Variants in KPNA7 observed in about 807,000 individuals in gnomAD.
KPNA7 encodes importin subunit alpha-8.
A neutral mutation model predicts 53.7 loss-of-function variants in KPNA7; 54 were observed. The ratio of observed to expected loss-of-function variants is 1.01; its 90% confidence interval spans 0.81 to 1.26. KPNA7 has a LOEUF of 1.26. Among genes scored for constraint, KPNA7 ranks in the 50% most tolerant of loss-of-function variants. KPNA7 has a pLI of 0.00. For synonymous variants in KPNA7, 276 were observed against 259.3 expected, an observed-to-expected ratio of 1.06 and a Z score of -0.62; for missense variants, 640 against 644.5, an observed-to-expected ratio of 0.99 and a Z score of 0.07.
Position 99,190,668 on chromosome 7 carries a change from T to G in KPNA7, c.637-2105A>C, listed in dbSNP as rs73147657. On this transcript the variant is annotated intron_variant, in intron 6 of 10. Coordinates refer to ENST00000327442, the MANE Select transcript of KPNA7 (RefSeq NM_001145715.3). Reference sequence around the variant, plus strand: ...GCCAGTAAAACTTTTTTTTTTTTTTTGGGGGGAGACAGGGTCTCACTCCAT... The same window carrying G: ...GCCAGTAAAACTTTTTTTTTTTTTTGGGGGGGAGACAGGGTCTCACTCCAT... 4.2e-3 allele frequency among the ~76,000 whole-genome samples: 624 copies of G among 150,248 alleles called. 4 individuals carry two copies. The highest frequency in any genetic ancestry group is 0.034 in the East Asian group (171 of 5,094).
At chr7:99,199,163 T>G (rs939764865) in intron 3 of KPNA7, among the ~76,000 whole-genome samples, 10 of 150,574 alleles carry the variant, frequency 6.6e-5, no homozygotes, top group African/African-American at 2.4e-4. Flanking sequence ...TACTCCAACC[T>G]TATAAATTCA....
chr7:99,193,333 A>ATT (rs1265597900), intron 5 of KPNA7, among the ~76,000 whole-genome samples: 20 of 152,234 alleles, frequency 1.3e-4, no homozygotes, highest in Non-Finnish European at 2.5e-4. Context: ...AAGCAGAGCC[A>ATT]GCCAACTCAG....
chr7:99,167,291 C>T, the KPNA7 span, among the ~76,000 whole-genome samples: 2 of 152,226 alleles, frequency 1.3e-5, no homozygotes, highest in African/African-American at 2.4e-5. Context: ...GCACAGCAGT[C>T]TCTAATCCCT....
At chr7:99,171,483 C>T (rs1022109098), downstream of KPNA7, among the ~76,000 whole-genome samples, 4 of 152,144 alleles carry the variant, frequency 2.6e-5, no homozygotes, top group African/African-American at 7.2e-5. Context: ...ACTTCATAGC[C>T]CAGGCTGGAG....
chr7:99,178,119 T>A, intron 9 of KPNA7, 53 bp from the exon 10 acceptor site: 1 of 1,515,778 alleles, frequency 6.6e-7, no homozygotes, highest in South Asian at 1.2e-5. Flanking sequence ...CTTTGGGGGA[T>A]AGGGACTCTG....
At chr7:99,199,949 C>G (rs755477620) in intron 3 of KPNA7, among the ~76,000 whole-genome samples, 4 of 152,040 alleles carry the variant, frequency 2.6e-5, no homozygotes, top group Non-Finnish European at 5.9e-5. Flanking sequence ...GGGACACAGT[C>G]TCGCTCTCTT....
intron 9 of KPNA7, among the ~76,000 whole-genome samples, chr7:99,179,109 C>T (rs192978284): frequency 1.4e-5 from 2 of 145,424 alleles, no homozygotes; most frequent in Non-Finnish European, 2.9e-5. Flanking sequence ...GTCTTTTGCT[C>T]AAGTTTCAGG....
chr7:99,166,532 C>G, the KPNA7 span, among the ~76,000 whole-genome samples: 13 of 152,148 alleles, frequency 8.5e-5, no homozygotes, highest in Non-Finnish European at 1.6e-4. Context: ...CCAGGCTGGT[C>G]TGGAGCTCCT....
chr7:99,217,619 C>CTTT lies in KPNA7; in HGVS notation c.-23-10133_-23-10131dup, dbSNP rs10616354. Among the ~76,000 whole-genome samples the CTTT allele has an allele frequency of 1.8e-4, 7 of 39,850 alleles. 1 individual carries two copies. The highest frequency in any genetic ancestry group is 6.6e-4 in the African/African-American group (6 of 9,138). 26.1% of individuals were successfully genotyped at this position (39,850 alleles called of 152,430 possible). ...CCCAGGAACGGGGACTCCACCTTGC[C>CTTT]TTTTTTTTTTTTTTTTTTTTTTTTT... On this transcript the variant is annotated intron_variant, in intron 1 of 10. Coordinates refer to the KPNA7 transcript ENST00000681060.
chr7:99,163,413 G>C, the KPNA7 span, among the ~76,000 whole-genome samples: 1 of 69,818 alleles, frequency 1.4e-5, no homozygotes, highest in African/African-American at 5.4e-5. Flanking sequence ...TTTTGAGACA[G>C]GGTCTCACTT....
intron 3 of KPNA7, among the ~76,000 whole-genome samples, chr7:99,202,535 A>C (rs188834924): frequency 1.3e-5 from 2 of 152,118 alleles, no homozygotes; most frequent in Non-Finnish European, 2.9e-5. Flanking sequence ...ATAGCAAGTA[A>C]ATTTTCAATT....
At chr7:99,181,527 AT>A (rs766155951) in intron 9 of KPNA7, among the ~76,000 whole-genome samples, 2 of 152,166 alleles carry the variant, frequency 1.3e-5, no homozygotes, top group Non-Finnish European at 2.9e-5. Context: ...GGGTAGAGGT[AT>A]TGGGGGAAGA....
intron 1 of KPNA7, among the ~76,000 whole-genome samples, chr7:99,214,451 A>C (rs1464295564): frequency 1.4e-5 from 2 of 145,194 alleles, no homozygotes; most frequent in African/African-American, 2.5e-5. Flanking sequence ...TCAAAAAAAA[A>C]CAAAAAACAA....
the KPNA7 span, among the ~76,000 whole-genome samples, chr7:99,158,929 A>G: frequency 2.0e-5 from 3 of 151,872 alleles, no homozygotes; most frequent in Admixed American, 1.3e-4. Flanking sequence ...TAGCGGTACA[A>G]TCTTGGCTTA....
chr7:99,204,808 A>T (rs1420507665), intron 2 of KPNA7, among the ~76,000 whole-genome samples: 1 of 152,100 alleles, frequency 6.6e-6, no homozygotes, highest in Non-Finnish European at 1.5e-5. Context: ...GTGAACTATG[A>T]TCGTGCCACT....
chr7:99,149,815 C>A, the KPNA7 span, among the ~76,000 whole-genome samples: 3 of 152,148 alleles, frequency 2.0e-5, no homozygotes, highest in African/African-American at 7.2e-5. Flanking sequence ...CAGATGGAGT[C>A]TTGCTCTGAC....
intron 10 of KPNA7, among the ~76,000 whole-genome samples, chr7:99,176,616 T>C (rs1584257453): frequency 1.3e-5 from 2 of 152,288 alleles, no homozygotes; most frequent in Non-Finnish European, 2.9e-5. Flanking sequence ...GGCACAGACC[T>C]GTAATTCCGG....
At chr7:99,167,082 TCCC>T in the KPNA7 span, among the ~76,000 whole-genome samples, 3 of 152,206 alleles carry the variant, frequency 2.0e-5, no homozygotes. Context: ...CTTACAAGGC[TCCC>T]TGATATGACG....
chr7:99,206,121 C>A (rs1790800218), intron 2 of KPNA7, among the ~76,000 whole-genome samples: 1 of 152,116 alleles, frequency 6.6e-6, no homozygotes, highest in Non-Finnish European at 1.5e-5. Flanking sequence ...GTATACTGGC[C>A]CTTGAGGAAG....
Sources: gnomAD v4.1 joint callset for allele counts (sites outside exome capture counted in the v4.1 genomes callset) on GRCh38, gnomAD v4.1.1 for gene constraint, MANE v1.5 for transcripts, NCBI Gene and HGNC (gene_info 2026-07-23, HGNC 2026-07-21) for gene names.